VPS35L: variants seen among roughly 807,000 people sequenced by gnomAD.
The protein encoded by VPS35L is VPS35 endosomal protein sorting factor like.
A neutral mutation model predicts 133.0 loss-of-function variants in VPS35L; 83 were observed. The observed-to-expected ratio is 0.62, with a 90% CI of 0.52 to 0.75. The LOEUF is 0.75. Ranked by LOEUF, VPS35L falls within the 30% of genes least tolerant of loss-of-function variation. VPS35L has a pLI of 0.00. For synonymous variants in VPS35L, 423 were observed against 449.9 expected (o/e 0.94, Z 0.76); for missense variants, 1,083 against 1,206.8 (o/e 0.90, Z 1.52).
intron 27 of VPS35L, 80 bp from the exon 28 acceptor site, chr16:19,682,145 C>G (rs1043236955): frequency 2.0e-6 from 3 of 1,482,840 alleles, no homozygotes; most frequent in Non-Finnish European, 1.9e-6. Flanking sequence ...GCGGGAGGAT[C>G]TGGGCTTCTG....
At chr16:19,625,574 C>T (rs1266813399) in intron 14 of VPS35L, among the ~76,000 whole-genome samples, 2 of 152,068 alleles carry the variant, frequency 1.3e-5, no homozygotes, top group African/African-American at 2.4e-5. Flanking sequence ...GACCCAGGTT[C>T]GACAGAGTTG....
At chr16:19,690,932 A>T (rs1045828661) in intron 28 of VPS35L, among the ~76,000 whole-genome samples, 4 of 151,854 alleles carry the variant, frequency 2.6e-5, no homozygotes, top group Admixed American at 6.6e-5. Flanking sequence ...ACTGCACTCC[A>T]GCCTGGGTGA....
chr16:19,627,583 A>G (rs1597374801), intron 15 of VPS35L, 111 bp from the exon 16 acceptor site: 2 of 842,238 alleles, frequency 2.4e-6, no homozygotes, highest in East Asian at 2.5e-5. Context: ...TTTTTCCCCA[A>G]CCCTACCGCT....
At chr16:19,654,316 CTTA>C (rs908894976) in intron 26 of VPS35L, among the ~76,000 whole-genome samples, 7 of 152,000 alleles carry the variant, frequency 4.6e-5, no homozygotes, top group African/African-American at 1.7e-4. Context: ...TGTTTACTTG[CTTA>C]TTGTCTCTGA....
chr16:19,638,199 C>G (rs1185735429), intron 20 of VPS35L, among the ~76,000 whole-genome samples: 2 of 152,224 alleles, frequency 1.3e-5, no homozygotes, highest in African/African-American at 4.8e-5. Context: ...TCTCTCCCTT[C>G]ACTTCCCTCT....
At chr16:19,658,687 GAA>G (rs57632422) in intron 26 of VPS35L, among the ~76,000 whole-genome samples, 7 of 148,190 alleles carry the variant, frequency 4.7e-5, no homozygotes, top group African/African-American at 1.7e-4. Flanking sequence ...CTTGAAAGAG[GAA>G]AAAAAAAAAG....
chr16:19,569,295 G>A (rs759826260), intron 2 of VPS35L, 129 bp from the exon 3 acceptor site: 14 of 1,034,610 alleles, frequency 1.4e-5, no homozygotes, highest in Middle Eastern at 2.0e-4. Context: ...ATCCCCTGCA[G>A]ATGGTTAAGT....
chr16:19,695,801 A>G (rs887098509), intron 29 of VPS35L, among the ~76,000 whole-genome samples: 2 of 151,132 alleles, frequency 1.3e-5, no homozygotes, highest in Non-Finnish European at 2.9e-5. Flanking sequence ...CTGGCAGCAG[A>G]GCAAGACCCT....
intron 1 of VPS35L, among the ~76,000 whole-genome samples, chr16:19,558,344 C>T (rs1970924940): frequency 6.6e-6 from 1 of 152,216 alleles, no homozygotes; most frequent in African/African-American, 2.4e-5. Flanking sequence ...AAGCAGTTTA[C>T]TTAAATTAGC....
chr16:19,558,229 C>T (rs1218027883), intron 1 of VPS35L, among the ~76,000 whole-genome samples: 1 of 152,168 alleles, frequency 6.6e-6, no homozygotes, highest in Non-Finnish European at 1.5e-5. Context: ...TTTATCAAGT[C>T]CTTATTTTCT....
chr16:19,670,761 A>C (rs1335134807), intron 27 of VPS35L, among the ~76,000 whole-genome samples: 3 of 152,154 alleles, frequency 2.0e-5, no homozygotes, highest in Non-Finnish European at 4.4e-5. Flanking sequence ...AAGGGTCCTT[A>C]TAACTTGGAG....
At chr16:19,562,516 G>A (rs1597300958) in intron 1 of VPS35L, among the ~76,000 whole-genome samples, 1 of 152,044 alleles carries the variant, frequency 6.6e-6, no homozygotes, top group African/African-American at 2.4e-5. Flanking sequence ...GGTCAAATGG[G>A]TTAACTTGTC....
chr16:19,652,889 C>T (rs1974178904), intron 26 of VPS35L, among the ~76,000 whole-genome samples: 1 of 152,186 alleles, frequency 6.6e-6, no homozygotes, highest in Admixed American at 6.5e-5. Context: ...ACACCAAAGC[C>T]ATCCATTAGG....
intron 19 of VPS35L, 31 bp from the exon 20 acceptor site, chr16:19,637,563 A>G: frequency 6.9e-7 from 1 of 1,456,874 alleles, no homozygotes; most frequent in South Asian, 1.3e-5. Flanking sequence ...TAAGTTTTTA[A>G]AAATAATATT....
At chr16:19,644,524 C>G (rs1474454400) in intron 22 of VPS35L, among the ~76,000 whole-genome samples, 1 of 152,152 alleles carries the variant, frequency 6.6e-6, no homozygotes, top group Non-Finnish European at 1.5e-5. Context: ...AGGTGTGAAC[C>G]AGCACACCCC....
At position 19,656,761 on chromosome 16, in the gene VPS35L, CTG is replaced by C. The variant is rs1974316070; in HGVS notation, c.2221+4673_2221+4674del. Among the ~76,000 whole-genome samples, 11 of 152,062 alleles carry C rather than the reference CTG, an allele frequency of 7.2e-5. No individual in the cohort carries two copies. The South Asian group carries it at 2.3e-3, about 32-fold the overall frequency. On this transcript the variant is annotated intron_variant, in intron 26 of 30. Transcript: ENST00000417362. ...GTATGCCATGGGTTTTAGGAGCTAA[CTG>C]TATACAGTACGTTGAGAGCTGTTTG...
chr16:19,596,237 C>T (rs753135386), intron 8 of VPS35L, among the ~76,000 whole-genome samples: 14 of 151,644 alleles, frequency 9.2e-5, no homozygotes, highest in Non-Finnish European at 1.9e-4. Flanking sequence ...AAAGCACCTA[C>T]TTTATTTCTC....
chr16:19,580,954 G>A (rs1252888410), intron 6 of VPS35L, among the ~76,000 whole-genome samples: 7 of 152,050 alleles, frequency 4.6e-5, no homozygotes, highest in Admixed American at 1.3e-4. Flanking sequence ...AAACAGTTGC[G>A]CTTTTTTCAA....
At chr16:19,631,305 T>C (rs1394394106) in intron 18 of VPS35L, among the ~76,000 whole-genome samples, 5 of 152,106 alleles carry the variant, frequency 3.3e-5, no homozygotes, top group Non-Finnish European at 7.4e-5. Flanking sequence ...GGTATGACCA[T>C]ATAATCACCA....
Sources: gnomAD v4.1 joint callset for allele counts (sites outside exome capture counted in the v4.1 genomes callset) on GRCh38, gnomAD v4.1.1 for gene constraint, MANE v1.5 for transcripts, NCBI Gene and HGNC (gene_info 2026-07-23, HGNC 2026-07-21) for gene names.